The following LEP variants were observed in gnomAD, a reference collection of about 807,000 sequenced individuals.
The protein encoded by LEP is leptin.
Under a neutral mutation model 9.8 loss-of-function variants are expected in LEP, and 6 were observed. That is an observed-to-expected ratio of 0.61 (90% confidence interval 0.34 to 1.21). The LOEUF (loss-of-function observed/expected upper bound fraction) is 1.21. Among genes scored for constraint, LEP ranks in the 50% most tolerant of loss-of-function variants. LEP has a pLI of 0.04. For synonymous variants in LEP, 112 were observed against 81.7 expected (o/e 1.37, Z -2.00); for missense variants, 134 against 198.1 (o/e 0.68, Z 1.94).
At chr7:128,244,775 G>C (rs1795192333) in intron 1 of LEP, among the ~76,000 whole-genome samples, 2 of 152,182 alleles carry the variant, frequency 1.3e-5, no homozygotes, top group African/African-American at 2.4e-5. Flanking sequence ...GTGGGCTCTG[G>C]TCTCTCTCAG....
intron 1 of LEP, among the ~76,000 whole-genome samples, chr7:128,250,085 G>A (rs558711204): frequency 6.6e-6 from 1 of 152,160 alleles, no homozygotes; most frequent in South Asian, 2.1e-4. Context: ...ATGCTTTAAG[G>A]AAGCATCTTG....
chr7:128,248,229 G>A (rs911082244), intron 1 of LEP, among the ~76,000 whole-genome samples: 27 of 151,712 alleles, frequency 1.8e-4, no homozygotes, highest in African/African-American at 5.8e-4. Context: ...TCAGGAGTTC[G>A]AGACCAGCCT....
intron 2 of LEP, among the ~76,000 whole-genome samples, chr7:128,253,832 A>G (rs935784840): frequency 6.6e-6 from 1 of 152,228 alleles, no homozygotes; most frequent in Non-Finnish European, 1.5e-5. Flanking sequence ...GTAATACACA[A>G]TATCACGGGA....
chr7:128,243,084 C>T (rs1295437337), intron 1 of LEP, among the ~76,000 whole-genome samples: 1 of 152,232 alleles, frequency 6.6e-6, no homozygotes, highest in Non-Finnish European at 1.5e-5. Context: ...TGAAATTCTT[C>T]TTTGTCCACA....
rs1795319900 is a variant in LEP at position 128,254,944 on chromosome 7, A to G, written c.*181A>G. 1 of 682,260 alleles carries G rather than the reference A, an allele frequency of 1.5e-6. No individual in the cohort carries two copies. Among genetic ancestry groups the G allele is most frequent in the African/African-American group, 1.8e-5 (1 of 55,892 alleles). The allele number at this position is 682,260 out of a possible 1,614,324, so 42.3% of individuals were successfully genotyped here. ...GACCCTAAGCCTCCTTTTGCTTGAA[A>G]CCAAAGATATATACACAGGATCCTA... On this transcript the variant is annotated 3_prime_UTR_variant, in exon 3 of 3. Coordinates refer to ENST00000308868, the MANE Select transcript of LEP (RefSeq NM_000230.3).
chr7:128,244,806 C>T lies in LEP; in HGVS notation c.-29+3500C>T, dbSNP rs28954086. Among the ~76,000 whole-genome samples, 739 of 152,228 alleles carry T rather than the reference C, an allele frequency of 4.9e-3. 7 individuals carry two copies. The highest frequency in any genetic ancestry group is 0.017 in the African/African-American group (714 of 41,524). ...CTCAGCTGTTCCATGCATATGAGGC[C>T]AAATGTGGCTACCCTAGAGCTTCTG... On this transcript the variant is annotated intron_variant, in intron 1 of 2. Coordinates refer to ENST00000308868, the MANE Select transcript of LEP (RefSeq NM_000230.3).
intron 2 of LEP, 133 bp downstream of exon 2, chr7:128,252,295 G>C (rs1795284993): frequency 9.8e-7 from 1 of 1,021,128 alleles, no homozygotes; most frequent in African/African-American, 1.6e-5. Flanking sequence ...TGGAAGCTGA[G>C]AAGGATTTGA....
Position 128,252,008 on chromosome 7 carries a change from TGG to T in LEP, c.-9_-8del. On this transcript the variant is annotated 5_prime_UTR_variant, in exon 2 of 3. Transcript: ENST00000308868. ...GTTTTCAGGCCCAAGAAGCCCATCC[TGG>T]GAAGGAAAATGCATTGGGGAACCCT... 1 of 1,614,200 alleles carries T rather than the reference TGG, an allele frequency of 6.2e-7. No individual in the cohort carries two copies. Among genetic ancestry groups the T allele is most frequent in the Non-Finnish European group, 8.5e-7 (1 of 1,180,014 alleles).
intron 1 of LEP, among the ~76,000 whole-genome samples, chr7:128,243,821 C>T (rs554045650): frequency 6.6e-6 from 1 of 152,306 alleles, no homozygotes; most frequent in South Asian, 2.1e-4. Flanking sequence ...GAAGCCCTGC[C>T]GTGTTCCAGG....
intron 1 of LEP, among the ~76,000 whole-genome samples, chr7:128,245,687 G>A (rs940300397): frequency 3.2e-4 from 49 of 152,262 alleles, no homozygotes; most frequent in African/African-American, 1.1e-3. Flanking sequence ...CAAAAGACTC[G>A]CTTTGTTCTC....
chr7:128,252,037 T>G lies in LEP; in HGVS notation c.19T>G (p.Cys7Gly). 6.2e-7 allele frequency: 1 copy of G among 1,614,212 alleles called. No homozygotes were observed. Residue 7 changes from cysteine to glycine, a missense_variant, in exon 2 of 3, where the codon TGC (cysteine) becomes GGC (glycine). Physicochemically the swap from Cys to Gly is radical, Grantham distance 159. Transcript: ENST00000308868. MHWGTL[C>G]GFLWLWPYLF... ...AAGGAAAATGCATTGGGGAACCCTG[T>G]GCGGATTCTTGTGGCTTTGGCCCTA...
rs199847071 is a variant in LEP, at chr7:128,256,008, G to C, written c.*1245G>C. On this transcript the variant is annotated 3_prime_UTR_variant, in exon 3 of 3. Coordinates refer to ENST00000308868, the MANE Select transcript of LEP (RefSeq NM_000230.3). ...GGGTCCTTGGTGTGACCCTCTGAAT[G>C]GTCCAGGGTTGATCACACTCTGGGT... The C allele has an allele frequency of 6.6e-6, 1 of 152,224 alleles. No individual in the cohort carries two copies. The highest frequency in any genetic ancestry group is 1.5e-5 in the Non-Finnish European group (1 of 68,044). 9.4% of individuals were successfully genotyped at this position (152,224 alleles called of 1,614,324 possible). A position where few individuals can be genotyped will look rare whatever the true frequency, so the allele number is the denominator to read the frequency against.
intron 1 of LEP, among the ~76,000 whole-genome samples, chr7:128,251,520 C>T: frequency 6.6e-6 from 1 of 152,132 alleles, no homozygotes; most frequent in East Asian, 1.9e-4. Flanking sequence ...CACCTTTAAG[C>T]CCTTTCACGT....
Position 128,255,189 on chromosome 7 carries a change from T to G in LEP, c.*426T>G, listed in dbSNP as rs1243262916. 1 of 200,790 alleles carries G rather than the reference T, an allele frequency of 5.0e-6. No individual in the cohort carries two copies. 12.4% of individuals were successfully genotyped at this position (200,790 alleles called of 1,614,324 possible). On this transcript the variant is annotated 3_prime_UTR_variant, in exon 3 of 3. Coordinates refer to ENST00000308868, the MANE Select transcript of LEP (RefSeq NM_000230.3). ...GTTCCCTCTGAGAATTCCAAGGAGTTCCATGAAGACCACATCCACACACGC... is the reference window on the plus strand; with the variant it reads ...GTTCCCTCTGAGAATTCCAAGGAGTGCCATGAAGACCACATCCACACACGC...
In LEP at chr7:128,256,581, G is replaced by C. The variant is rs1795343121; in HGVS notation, c.*1818G>C. ...GCATGGTGCAGTTGACAGCAGGTGG[G>C]AAATGGTATGAGCTGAGGGGGGCCG... On this transcript the variant is annotated 3_prime_UTR_variant, in exon 3 of 3. Coordinates refer to ENST00000308868, the MANE Select transcript of LEP (RefSeq NM_000230.3). The C allele has an allele frequency of 6.6e-6, 1 of 152,324 alleles. No homozygotes were observed. Among genetic ancestry groups the C allele is most frequent in the Non-Finnish European group, 1.5e-5 (1 of 68,070 alleles). The allele number at this position is 152,324 out of a possible 1,614,324, so 9.4% of individuals were successfully genotyped here. A position where few individuals can be genotyped will look rare whatever the true frequency, so the allele number is the denominator to read the frequency against.
chr7:128,249,579 A>G (rs1765828031), intron 1 of LEP, among the ~76,000 whole-genome samples: 1 of 152,232 alleles, frequency 6.6e-6, no homozygotes, highest in Admixed American at 6.5e-5. Context: ...GACTCTGAGA[A>G]GTAAAGTATT....
At chr7:128,252,950 T>C (rs1171524442) in intron 2 of LEP, among the ~76,000 whole-genome samples, 4 of 152,046 alleles carry the variant, frequency 2.6e-5, no homozygotes, top group African/African-American at 9.7e-5. Context: ...AGGCCTCACG[T>C]GCTTATTTTC....
At chr7:128,250,060 G>A (rs1477433970) in intron 1 of LEP, among the ~76,000 whole-genome samples, 1 of 152,180 alleles carries the variant, frequency 6.6e-6, no homozygotes, top group Admixed American at 6.6e-5. Flanking sequence ...CTCTTGGGTA[G>A]GAGGAAAGGA....
In LEP at chr7:128,241,723, A is replaced by G. The variant is rs572146155; in HGVS notation, c.-29+417A>G. On this transcript the variant is annotated intron_variant, in intron 1 of 2. Transcript: ENST00000308868. ...GATGCAAGTGATCAGTCTCAGTCCCAGACATTGCCTTGCTCTGCGGGTAGG... is the reference window on the plus strand; with the variant it reads ...GATGCAAGTGATCAGTCTCAGTCCCGGACATTGCCTTGCTCTGCGGGTAGG... Among the ~76,000 whole-genome samples, 200 of 152,356 alleles carry G rather than the reference A, an allele frequency of 1.3e-3. 8 individuals are homozygous for G. In the South Asian group the frequency reaches 0.041, roughly 31 times the overall value.
Sources: gnomAD v4.1 joint callset for allele counts (sites outside exome capture counted in the v4.1 genomes callset) on GRCh38, gnomAD v4.1.1 for gene constraint, MANE v1.5 for transcripts, NCBI Gene and HGNC (gene_info 2026-07-23, HGNC 2026-07-21) for gene names.